The following ITGBL1 variants were observed in gnomAD, a reference collection of about 807,000 sequenced individuals.
The protein encoded by ITGBL1 is integrin subunit beta like 1, also known as integrin beta-like protein 1.
ITGBL1 carries 51 observed loss-of-function variants against 68.5 expected under a neutral mutation model. The ratio of observed to expected loss-of-function variants is 0.74; its 90% confidence interval spans 0.59 to 0.94. The LOEUF (loss-of-function observed/expected upper bound fraction) is 0.94. ITGBL1 is among the 40% of genes least tolerant of loss of function. The pLI is 0.00. For missense variants in ITGBL1, 649 were observed against 647.4 expected, an observed-to-expected ratio of 1.00 and a Z score of -0.03; for synonymous variants, 209 against 227.3, an observed-to-expected ratio of 0.92 and a Z score of 0.72.
intron 2 of ITGBL1, among the ~76,000 whole-genome samples, chr13:101,492,719 A>G (rs547068900): frequency 6.6e-6 from 1 of 152,258 alleles, no homozygotes; most frequent in South Asian, 2.1e-4. Context: ...CCATTATGCA[A>G]TTCACCAGCC....
intron 5 of ITGBL1, among the ~76,000 whole-genome samples, chr13:101,581,753 A>G (rs993850728): frequency 6.6e-6 from 1 of 152,190 alleles, no homozygotes; most frequent in African/African-American, 2.4e-5. Context: ...CTGAACATAC[A>G]CTTGTGTGTA....
chr13:101,473,897 C>G (rs1284060498), intron 2 of ITGBL1, among the ~76,000 whole-genome samples: 2 of 152,190 alleles, frequency 1.3e-5, no homozygotes, highest in Non-Finnish European at 2.9e-5. Flanking sequence ...AATTCATCAC[C>G]TGGCTAAAGA....
At chr13:101,512,623 C>A (rs2049133543) in intron 2 of ITGBL1, among the ~76,000 whole-genome samples, 2 of 152,096 alleles carry the variant, frequency 1.3e-5, no homozygotes, top group African/African-American at 4.8e-5. Context: ...AGCACAAGGA[C>A]CCTTCCCATG....
chr13:101,467,679 G>A (rs1027479545), intron 2 of ITGBL1, among the ~76,000 whole-genome samples: 2 of 152,200 alleles, frequency 1.3e-5, no homozygotes, highest in East Asian at 3.9e-4. Flanking sequence ...TTTTATAAGG[G>A]TGCTTACTGA....
Position 101,601,221 on chromosome 13 carries a change from G to A in ITGBL1, c.1015+2922G>A, listed in dbSNP as rs532464702. 2.0e-4 allele frequency among the ~76,000 whole-genome samples: 31 copies of A among 152,228 alleles called. No individual in the cohort carries two copies. The South Asian group carries it at 5.4e-3, about 27-fold the overall frequency. On this transcript the variant is annotated intron_variant, in intron 7 of 10. Transcript: ENST00000376180. ...CTTCTAGATTTTCTAGTTTATTTGC[G>A]TAGAGGTGTTTATAGTATTCTCTGA...
intron 7 of ITGBL1, among the ~76,000 whole-genome samples, chr13:101,623,620 T>A (rs1256104834): frequency 6.6e-6 from 1 of 152,208 alleles, no homozygotes; most frequent in Non-Finnish European, 1.5e-5. Flanking sequence ...TTGACTTTCA[T>A]CTGAGGACAG....
chr13:101,548,668 A>G (rs2049868514), intron 2 of ITGBL1, among the ~76,000 whole-genome samples: 1 of 151,848 alleles, frequency 6.6e-6, no homozygotes, highest in African/African-American at 2.4e-5. Context: ...TGTCTTCACT[A>G]TTTAACTATC....
intron 3 of ITGBL1, 89 bp downstream of exon 3, chr13:101,567,934 C>A (rs764633034): frequency 9.9e-7 from 1 of 1,010,852 alleles, no homozygotes; most frequent in Non-Finnish European, 1.5e-6. Context: ...AATGTTGAAT[C>A]TCAGAGTGAG....
chr13:101,631,854 T>C (rs1198857563), intron 7 of ITGBL1, among the ~76,000 whole-genome samples: 1 of 152,110 alleles, frequency 6.6e-6, no homozygotes, highest in African/African-American at 2.4e-5. Context: ...TTTAAACAAA[T>C]GGTACTAGAA....
intron 5 of ITGBL1, among the ~76,000 whole-genome samples, chr13:101,580,394 C>T (rs1227580617): frequency 6.6e-6 from 1 of 151,944 alleles, no homozygotes; most frequent in Non-Finnish European, 1.5e-5. Flanking sequence ...TTTGTGGGGA[C>T]TAAATCTTAC....
chr13:101,697,039 ATT>A (rs60831726), intron 8 of ITGBL1, among the ~76,000 whole-genome samples: 1 of 147,236 alleles, frequency 6.8e-6, no homozygotes. Flanking sequence ...TATCGATTTC[ATT>A]TTTTTTTTTT....
intron 7 of ITGBL1, among the ~76,000 whole-genome samples, chr13:101,680,523 C>G (rs1218368537): frequency 6.8e-6 from 1 of 147,926 alleles, no homozygotes; most frequent in South Asian, 2.1e-4. Context: ...CATTCTGGGT[C>G]GGGAATACAC....
chr13:101,622,906 G>A (rs2031636976), intron 7 of ITGBL1, among the ~76,000 whole-genome samples: 2 of 112,246 alleles, frequency 1.8e-5, no homozygotes. Context: ...ATGTGTGTGT[G>A]GGGTATGTAT....
At chr13:101,714,086 A>G (rs538705419) in intron 9 of ITGBL1, 1 of 187,606 alleles carries the variant, frequency 5.3e-6, no homozygotes, top group African/African-American at 2.3e-5. Context: ...AGGCACTTTA[A>G]AAACATGATT....
intron 6 of ITGBL1, among the ~76,000 whole-genome samples, chr13:101,592,885 A>G (rs2050678702): frequency 6.6e-6 from 1 of 152,100 alleles, no homozygotes; most frequent in Non-Finnish European, 1.5e-5. Flanking sequence ...TAAGACCTCA[A>G]AAGCAAAGCA....
chr13:101,583,296 G>A lies in ITGBL1; in HGVS notation c.808G>A (p.Glu270Lys). Residue 270 changes from glutamate to lysine, a missense_variant, in exon 6 of 11, where the codon GAA becomes AAA. Glu to Lys is a moderately conservative substitution (Grantham distance 56). Coordinates refer to ENST00000376180, the MANE Select transcript of ITGBL1 (RefSeq NM_004791.3). ...GGGAGATATTCATGGGGACACCTGT[G>A]AATGTGATGAGAGGGACTGTAGAGC... Reference protein sequence around the residue: ...DWGDIHGDTCECDERDCRAVY... With the variant: ...DWGDIHGDTCKCDERDCRAVY... 6.2e-7 allele frequency: 1 copy of A among 1,613,076 alleles called. No homozygotes were observed. The highest frequency in any genetic ancestry group is 8.5e-7 in the Non-Finnish European group (1 of 1,179,596).
chr13:101,652,790 A>G (rs1331917462), intron 7 of ITGBL1, among the ~76,000 whole-genome samples: 5 of 152,120 alleles, frequency 3.3e-5, no homozygotes, highest in African/African-American at 1.2e-4. Flanking sequence ...CAATATAGTG[A>G]TCATCACAGA....
intron 9 of ITGBL1, among the ~76,000 whole-genome samples, chr13:101,710,458 C>T (rs998769376): frequency 6.6e-6 from 1 of 152,126 alleles, no homozygotes; most frequent in Non-Finnish European, 1.5e-5. Flanking sequence ...ACCCCACAAC[C>T]CACCCTGAGA....
At chr13:101,559,581 G>A (rs1342180400) in intron 2 of ITGBL1, among the ~76,000 whole-genome samples, 1 of 152,164 alleles carries the variant, frequency 6.6e-6, no homozygotes, top group Admixed American at 6.5e-5. Flanking sequence ...CCAATCCATA[G>A]CTTTTACTAA....
Sources: gnomAD v4.1 joint callset for allele counts (sites outside exome capture counted in the v4.1 genomes callset) on GRCh38, gnomAD v4.1.1 for gene constraint, MANE v1.5 for transcripts, NCBI Gene and HGNC (gene_info 2026-07-23, HGNC 2026-07-21) for gene names.